KMT5B: variants seen among roughly 807,000 people sequenced by gnomAD.
KMT5B encodes lysine methyltransferase 5B, also known as histone-lysine N-methyltransferase KMT5B.
Under a neutral mutation model 83.2 loss-of-function variants are expected in KMT5B, and 10 were observed. The ratio of observed to expected loss-of-function variants is 0.12; its 90% confidence interval spans 0.07 to 0.20. The LOEUF (loss-of-function observed/expected upper bound fraction) is 0.20. KMT5B is among the 10% of genes least tolerant of loss of function. The pLI, the probability that KMT5B is intolerant of heterozygous loss-of-function variation, is 1.00. For missense variants in KMT5B, 753 were observed against 1,067.2 expected (o/e 0.71, Z 4.10); for synonymous variants, 349 against 388.8 (o/e 0.90, Z 1.20).
chr11:68,159,269 T>A, intron 10 of KMT5B, 98 bp from the exon 11 acceptor site: 1 of 1,462,846 alleles, frequency 6.8e-7, no homozygotes, highest in Non-Finnish European at 9.0e-7. Context: ...CACGTTTAGA[T>A]TACACAAACG....
chr11:68,166,126 C>G (rs1302463565), intron 10 of KMT5B: 1 of 1,432,534 alleles, frequency 7.0e-7, no homozygotes, highest in Non-Finnish European at 9.1e-7. Context: ...ACTTCTGTCT[C>G]TCTCAGAGAC....
chr11:68,177,942 A>G (rs1468995089), intron 4 of KMT5B, among the ~76,000 whole-genome samples: 1 of 152,198 alleles, frequency 6.6e-6, no homozygotes, highest in African/African-American at 2.4e-5. Flanking sequence ...GCAATCCTAC[A>G]CTACATGGTT....
At position 68,156,027 on chromosome 11, in the gene KMT5B, G is replaced by C. The variant is rs1458229748; in HGVS notation, c.*1661C>G. The C allele has an allele frequency of 6.6e-6, 1 of 152,196 alleles. No individual in the cohort carries two copies. The highest frequency in any genetic ancestry group is 6.5e-5 in the Admixed American group (1 of 15,276). 9.4% of individuals were successfully genotyped at this position (152,196 alleles called of 1,614,324 possible). ...ATCAACAGTCTTAAGGAGCGTCATT[G>C]AAACAATATCCCCCCAAACCTGGAA... On this transcript the variant is annotated 3_prime_UTR_variant, in exon 11 of 11. Transcript: ENST00000304363.
At position 68,158,622 on chromosome 11, in the gene KMT5B, C is replaced by T; in HGVS notation, c.1724G>A (p.Ser575Asn). The T allele has an allele frequency of 1.2e-6, 2 of 1,612,422 alleles. No homozygotes were observed. The highest frequency in any genetic ancestry group is 1.7e-6 in the Non-Finnish European group (2 of 1,180,040). The change falls in exon 11 of 11, where the codon AGT (serine) becomes AAT (asparagine). Residue 575 changes from serine to asparagine, a missense_variant. By Grantham distance (46) the Ser-to-Asn change is conservative (BLOSUM62 1). Transcript: ENST00000304363. ...AGGAGCTGGCTGCAGCTGTTCACCACTGTCGGGGCAAGGTTCCGTCACACT... is the reference window on the plus strand; with the variant it reads ...AGGAGCTGGCTGCAGCTGTTCACCATTGTCGGGGCAAGGTTCCGTCACACT... ...KSSVTEPCPD[S>N]GEQLQPAPVL...
chr11:68,206,120 T>C (rs972504628), intron 1 of KMT5B, among the ~76,000 whole-genome samples: 1 of 152,246 alleles, frequency 6.6e-6, no homozygotes, highest in African/African-American at 2.4e-5. Context: ...AGGTTTTCAC[T>C]GATGGGGTTG....
At chr11:68,159,891 TCA>T (rs1854705760) in intron 10 of KMT5B, among the ~76,000 whole-genome samples, 1 of 152,126 alleles carries the variant, frequency 6.6e-6, no homozygotes, top group Non-Finnish European at 1.5e-5. Flanking sequence ...ATGCCAACAA[TCA>T]CAGTGAAGGA....
intron 1 of KMT5B, among the ~76,000 whole-genome samples, chr11:68,197,164 G>A (rs925688851): frequency 4.0e-5 from 6 of 151,858 alleles, no homozygotes; most frequent in African/African-American, 9.7e-5. Context: ...TAGTAGACAC[G>A]GGGTTTCACC....
intron 4 of KMT5B, among the ~76,000 whole-genome samples, chr11:68,175,914 G>GTTT (rs397848049): frequency 7.1e-5 from 9 of 126,362 alleles, no homozygotes; most frequent in East Asian, 4.8e-4. Context: ...GGGTAGAGTT[G>GTTT]TTTTTTTTTT....
At chr11:68,196,963 G>T (rs1858796388) in intron 1 of KMT5B, among the ~76,000 whole-genome samples, 1 of 151,912 alleles carries the variant, frequency 6.6e-6, no homozygotes, top group African/African-American at 2.4e-5. Context: ...GGTTATCCAT[G>T]GAGAGTCTTT....
chr11:68,164,069 A>C (rs939921496), intron 10 of KMT5B, among the ~76,000 whole-genome samples: 3 of 152,198 alleles, frequency 2.0e-5, no homozygotes, highest in African/African-American at 7.2e-5. Flanking sequence ...TCAGCGAGGC[A>C]TAAGAGGCCT....
chr11:68,188,033 T>C (rs1319405792), intron 2 of KMT5B, among the ~76,000 whole-genome samples: 2 of 151,358 alleles, frequency 1.3e-5, no homozygotes, highest in African/African-American at 2.4e-5. Flanking sequence ...TTTCTTTTTT[T>C]TTTTTTTTTG....
intron 2 of KMT5B, 34 bp downstream of exon 2, chr11:68,189,883 A>G: frequency 6.3e-7 from 1 of 1,589,820 alleles, no homozygotes; most frequent in Non-Finnish European, 8.6e-7. Flanking sequence ...CCCATATCAC[A>G]ATCAGAACAT....
chr11:68,172,241 T>C (rs1389527140), intron 6 of KMT5B, among the ~76,000 whole-genome samples: 1 of 152,182 alleles, frequency 6.6e-6, no homozygotes, highest in Non-Finnish European at 1.5e-5. Flanking sequence ...TATTTTATTT[T>C]ATTTTATTTG....
At chr11:68,212,782 G>A (rs980982498) in intron 1 of KMT5B, 13 of 152,218 alleles carry the variant, frequency 8.5e-5, no homozygotes, top group Non-Finnish European at 1.6e-4. Context: ...GAGCAGATTG[G>A]GCGAGACGGT....
chr11:68,175,480 T>C (rs1565230352), intron 4 of KMT5B, among the ~76,000 whole-genome samples: 1 of 152,244 alleles, frequency 6.6e-6, no homozygotes. Context: ...TATTTCACTG[T>C]TATCTCATTA....
In KMT5B at chr11:68,157,711, G is replaced by A. The variant is rs1475422436; in HGVS notation, c.2635C>T (p.Gln879Ter). 6.3e-7 allele frequency: 1 copy of A among 1,592,248 alleles called. No homozygotes were observed. Among genetic ancestry groups the A allele is most frequent in the Admixed American group, 1.8e-5 (1 of 56,688 alleles). ...IDISSRRRED[Q>*]SLRLNA ...GCTTAGGCATTAAGCCTTAAAGACTGATCTTCTCTTCTCCTTGAAGAAATG... is the reference window on the plus strand; with the variant it reads ...GCTTAGGCATTAAGCCTTAAAGACTAATCTTCTCTTCTCCTTGAAGAAATG... Residue 879 changes from glutamine to a stop codon, truncating the protein, a stop_gained, in exon 11 of 11, where the codon CAG (glutamine) becomes TAG (stop). Transcript: ENST00000304363. LOFTEE classifies it high-confidence loss of function.
chr11:68,170,917 T>C, intron 9 of KMT5B, 98 bp downstream of exon 9: 2 of 1,303,124 alleles, frequency 1.5e-6, no homozygotes, highest in East Asian at 2.4e-5. Flanking sequence ...AAAGACTATC[T>C]CTGCATTTAA....
chr11:68,188,466 C>A (rs1228204692), intron 2 of KMT5B, among the ~76,000 whole-genome samples: 1 of 151,954 alleles, frequency 6.6e-6, no homozygotes, highest in Non-Finnish European at 1.5e-5. Flanking sequence ...CAACCACAGC[C>A]TCTCAAAGTA....
chr11:68,156,092 A>AT lies in KMT5B; in HGVS notation c.*1595dup, dbSNP rs1165220078. 4 of 152,172 alleles carry AT rather than the reference A, an allele frequency of 2.6e-5. No homozygotes were observed. The highest frequency in any genetic ancestry group is 7.2e-5 in the African/African-American group (3 of 41,448). 9.4% of individuals were successfully genotyped at this position (152,172 alleles called of 1,614,324 possible). On this transcript the variant is annotated 3_prime_UTR_variant, in exon 11 of 11. Coordinates refer to ENST00000304363, the MANE Select transcript of KMT5B (RefSeq NM_017635.5). ...ATTAGTAGTAACAGTAAGCATTGAG[A>AT]TTTTCTCCACTGGACTTTTCATGAC... is the stretch of plus-strand genomic sequence containing the variant.
Sources: gnomAD v4.1 joint callset for allele counts (sites outside exome capture counted in the v4.1 genomes callset) on GRCh38, gnomAD v4.1.1 for gene constraint, MANE v1.5 for transcripts, NCBI Gene and HGNC (gene_info 2026-07-23, HGNC 2026-07-21) for gene names.